SYTL5: variants seen among roughly 807,000 people sequenced by gnomAD.
SYTL5 encodes the protein synaptotagmin-like protein 5.
A neutral mutation model predicts 55.9 loss-of-function variants in SYTL5; 34 were observed. That is an observed-to-expected ratio of 0.61 (90% CI 0.46 to 0.81). The LOEUF (loss-of-function observed/expected upper bound fraction) is 0.81, where lower values mean the gene tolerates loss of function less well. Among genes scored for constraint, SYTL5 ranks in the 30% least tolerant of loss-of-function variants. The pLI, the probability that SYTL5 is intolerant of heterozygous loss-of-function variation, is 0.00. For missense variants in SYTL5, 637 were observed against 546.7 expected (o/e 1.17, Z -1.65); for synonymous variants, 221 against 188.7 (o/e 1.17, Z -1.40).
the SYTL5 span, among the ~76,000 whole-genome samples, chrX:37,913,776 T>C: frequency 8.9e-6 from 1 of 112,317 alleles, no homozygotes; most frequent in African/African-American, 3.2e-5. Flanking sequence ...TCTAACTAAG[T>C]AGGATTACGC....
chrX:37,910,694 C>G, the SYTL5 span, among the ~76,000 whole-genome samples: 1 of 112,187 alleles, frequency 8.9e-6, no homozygotes. Context: ...GGTTCTCAAA[C>G]TTTAATGGAC....
the SYTL5 span, among the ~76,000 whole-genome samples, chrX:37,974,196 G>A: frequency 1.6e-4 from 18 of 111,787 alleles, no homozygotes; most frequent in Admixed American, 1.7e-3. Context: ...ATGTCTATCA[G>A]CTAATGAATG....
At position 38,120,445 on chromosome X, in the gene SYTL5, C is replaced by T. The variant is rs1254272283; in HGVS notation, c.1684C>T (p.Leu562Phe). The stretch of plus-strand genomic sequence containing the variant: ...CATTCCCCCAGAAGAGAACCTGATG[C>T]TTCCACCAGAACAACTCCAAGGTAG... ...RYIPPEENLMLPPEQLQGNKT... is the reference protein window; with the variant it reads ...RYIPPEENLMFPPEQLQGNKT... The change falls in exon 14 of 17, where the codon CTT becomes TTT. Residue 562 changes from leucine to phenylalanine, a missense_variant. Physicochemically the swap from Leu to Phe is conservative, Grantham distance 22 (BLOSUM62 0). Coordinates refer to ENST00000297875, the MANE Select transcript of SYTL5 (RefSeq NM_138780.3). 14 of 1,203,053 alleles carry T rather than the reference C, an allele frequency of 1.2e-5. No individual in the cohort carries two copies. The highest frequency in any genetic ancestry group is 3.0e-5 in the East Asian group (1 of 33,745).
the SYTL5 span, among the ~76,000 whole-genome samples, chrX:37,895,257 C>T: frequency 8.9e-6 from 1 of 112,289 alleles, no homozygotes; most frequent in Non-Finnish European, 1.9e-5. Context: ...GCTAGATATA[C>T]CATTTAATAA....
chrX:38,030,315 T>C (rs1934916053), intron 1 of SYTL5, among the ~76,000 whole-genome samples: 1 of 111,900 alleles, frequency 8.9e-6, no homozygotes, highest in Non-Finnish European at 1.9e-5. Context: ...AATAGAACCT[T>C]AGATTTTTAA....
chrX:38,000,428 G>T, the SYTL5 span, among the ~76,000 whole-genome samples: 2 of 112,308 alleles, frequency 1.8e-5, no homozygotes, highest in Non-Finnish European at 3.8e-5. Context: ...CCCCCTCACA[G>T]GGCATGTGAT....
chrX:38,067,322 G>A (rs1344409716), intron 3 of SYTL5, among the ~76,000 whole-genome samples: 1 of 107,884 alleles, frequency 9.3e-6, no homozygotes, highest in Non-Finnish European at 1.9e-5. Flanking sequence ...ACTTTCTTCT[G>A]TCACACATGA....
the SYTL5 span, among the ~76,000 whole-genome samples, chrX:37,932,973 G>C: frequency 9.0e-6 from 1 of 111,350 alleles, no homozygotes; most frequent in Non-Finnish European, 1.9e-5. Context: ...TGGCTTCCAA[G>C]AGGCAGAAAG....
chrX:37,919,905 T>G, the SYTL5 span, among the ~76,000 whole-genome samples: 2 of 112,082 alleles, frequency 1.8e-5, no homozygotes, highest in African/African-American at 6.5e-5. Flanking sequence ...TAAATTAATC[T>G]GGGTGAGAAA....
the SYTL5 span, among the ~76,000 whole-genome samples, chrX:37,919,797 C>A: frequency 1.4e-4 from 16 of 112,360 alleles, no homozygotes; most frequent in Non-Finnish European, 2.6e-4. Flanking sequence ...ATTTTTGTAA[C>A]CTTTTTGTGT....
chrX:37,912,742 T>A, the SYTL5 span, among the ~76,000 whole-genome samples: 4 of 112,213 alleles, frequency 3.6e-5, no homozygotes, highest in East Asian at 1.1e-3. Context: ...TGTGAGGTAG[T>A]CATGTTAATT....
intron 9 of SYTL5, among the ~76,000 whole-genome samples, chrX:38,098,860 A>G (rs1035588080): frequency 2.7e-5 from 3 of 111,186 alleles, no homozygotes; most frequent in African/African-American, 9.8e-5. Context: ...ATACTACAAC[A>G]TGCATGAACC....
At chrX:37,948,805 T>G in the SYTL5 span, among the ~76,000 whole-genome samples, 1 of 111,802 alleles carries the variant, frequency 8.9e-6, no homozygotes, top group Non-Finnish European at 1.9e-5. Flanking sequence ...TATTCCATTT[T>G]GTTTATGTAC....
chrX:38,123,077 A>C (rs923591370), intron 15 of SYTL5, among the ~76,000 whole-genome samples: 1 of 111,976 alleles, frequency 8.9e-6, no homozygotes, highest in African/African-American at 3.2e-5. Flanking sequence ...ATTGGAAAAG[A>C]GTATTTTTTC....
the SYTL5 span, chrX:37,946,557 G>T: frequency 5.6e-6 from 1 of 178,355 alleles, no homozygotes; most frequent in South Asian, 9.8e-5. Context: ...CAATTTATTT[G>T]ATAGAAACTA....
intron 6 of SYTL5, among the ~76,000 whole-genome samples, chrX:38,076,954 T>C (rs1028704559): frequency 8.9e-6 from 1 of 112,125 alleles, no homozygotes; most frequent in Non-Finnish European, 1.9e-5. Context: ...GGGCTGCAGT[T>C]CAAATGGAAA....
chrX:38,004,000 G>A (rs1436864874), upstream of SYTL5, among the ~76,000 whole-genome samples: 1 of 111,995 alleles, frequency 8.9e-6, no homozygotes, highest in South Asian at 3.7e-4. Context: ...TTTGAGAAAT[G>A]TCTATTGAGA....
At chrX:38,114,260 G>T (rs1937431046) in intron 13 of SYTL5, among the ~76,000 whole-genome samples, 1 of 111,313 alleles carries the variant, frequency 9.0e-6, no homozygotes, top group Non-Finnish European at 1.9e-5. Context: ...TCTCAACCTG[G>T]ACTAACCTTC....
In SYTL5 at chrX:38,013,644, G is replaced by A. The variant is rs781365972; in HGVS notation, c.-357+6976G>A. ...ACCAGAGTCACTTTGGTCAGCTTAAGTAACTTCCAAAGGCATCTTCCTGGG... is the reference window on the plus strand; with the variant it reads ...ACCAGAGTCACTTTGGTCAGCTTAAATAACTTCCAAAGGCATCTTCCTGGG... On this transcript the variant is annotated intron_variant, in intron 1 of 16. Transcript: ENST00000297875. Among the ~76,000 whole-genome samples the A allele has an allele frequency of 1.1e-4, 12 of 111,739 alleles. No homozygotes were observed. In the East Asian group the frequency reaches 1.4e-3, roughly 13 times the overall value.
Sources: allele counts gnomAD v4.1 joint callset (sites outside exome capture counted in the v4.1 genomes callset), GRCh38; gene constraint gnomAD v4.1.1; transcripts MANE v1.5; gene names NCBI Gene and HGNC (gene_info 2026-07-23, HGNC 2026-07-21).